FNDC1: variants seen among roughly 807,000 people sequenced by gnomAD.
FNDC1 encodes the protein fibronectin type III domain-containing protein 1.
FNDC1 carries 96 observed loss-of-function variants against 168.0 expected under a neutral mutation model. That is an observed-to-expected ratio of 0.57 (90% confidence interval 0.48 to 0.68). The LOEUF is 0.68. Ranked by LOEUF, FNDC1 falls within the 30% of genes least tolerant of loss-of-function variation. The probability of loss-of-function intolerance (pLI) is 0.00; values close to 1 mark genes in which losing one functional copy is unlikely to be tolerated. For missense variants in FNDC1, 2,587 were observed against 2,482.1 expected (o/e 1.04, Z -0.90); for synonymous variants, 1,099 against 1,025.9 (o/e 1.07, Z -1.36).
chr6:159,207,571 C>A (rs1328958326), intron 4 of FNDC1, among the ~76,000 whole-genome samples: 1 of 152,204 alleles, frequency 6.6e-6, no homozygotes, highest in Non-Finnish European at 1.5e-5. Context: ...AGAGGGGAAG[C>A]AGCTTTTGTG....
intron 14 of FNDC1, among the ~76,000 whole-genome samples, 195 bp from the exon 15 acceptor site, chr6:159,246,706 A>G (rs1472228742): frequency 1.3e-5 from 2 of 152,168 alleles, no homozygotes; most frequent in East Asian, 3.9e-4. Context: ...CCTGGGCCCA[A>G]AGGAGAGAAA....
At position 159,205,987 on chromosome 6, in the gene FNDC1, G is replaced by A. The variant is rs989869758; in HGVS notation, c.460+5406G>A. Among the ~76,000 whole-genome samples the A allele has an allele frequency of 1.3e-5, 2 of 152,238 alleles. 1 individual carries two copies. The highest frequency in any genetic ancestry group is 4.1e-4 in the South Asian group (2 of 4,826). On this transcript the variant is annotated intron_variant, in intron 4 of 22. Transcript: ENST00000297267. ...AATGCTGGAAAGCACCTCTCCCAGG[G>A]CCCCCTTGTTGGGTGTCCTCCCCTC...
At chr6:159,219,355 A>C (rs1162741428) in intron 5 of FNDC1, among the ~76,000 whole-genome samples, 1 of 152,118 alleles carries the variant, frequency 6.6e-6, no homozygotes, top group Non-Finnish European at 1.5e-5. Context: ...TCCCCTCTTT[A>C]TTCAGTAATC....
rs950310067 is a variant in FNDC1, at chr6:159,232,274, A to G, written c.1762A>G (p.Met588Val). 6.2e-7 allele frequency: 1 copy of G among 1,610,900 alleles called. No homozygotes were observed. Reference sequence around the variant, plus strand: ...CGGCAGGACTGCAGTGAGGGCCCGGATGCCAGCGCTGCCCCGAAGGGAAGG... The same window carrying G: ...CGGCAGGACTGCAGTGAGGGCCCGGGTGCCAGCGCTGCCCCGAAGGGAAGG... ...APGRTAVRAR[M>V]PALPRREGVD... Residue 588 changes from methionine to valine, a missense_variant, in exon 11 of 23, where the codon ATG (methionine) becomes GTG (valine). By Grantham distance (21) the Met-to-Val change is conservative (BLOSUM62 1). Transcript: ENST00000297267. The surrounding 1 kb of genome is among the most constrained non-coding windows in gnomAD (Gnocchi z 4.9).
At chr6:159,216,576 C>T (rs1357190530) in intron 5 of FNDC1, among the ~76,000 whole-genome samples, 1 of 152,200 alleles carries the variant, frequency 6.6e-6, no homozygotes, top group Non-Finnish European at 1.5e-5. Flanking sequence ...AGCCGTCTCA[C>T]CCCTGCTCCC....
At chr6:159,255,009 A>G (rs538809710) in intron 17 of FNDC1, among the ~76,000 whole-genome samples, 3 of 152,324 alleles carry the variant, frequency 2.0e-5, no homozygotes, top group East Asian at 1.9e-4. Context: ...TAAGAGCTGT[A>G]TAACTAGACT....
intron 19 of FNDC1, among the ~76,000 whole-genome samples, 158 bp from the exon 20 acceptor site, chr6:159,264,817 G>A (rs1213155542): frequency 6.6e-6 from 1 of 152,152 alleles, no homozygotes; most frequent in Non-Finnish European, 1.5e-5. Flanking sequence ...AAAAGGAAAT[G>A]TTTAGAAAAT....
intron 5 of FNDC1, among the ~76,000 whole-genome samples, chr6:159,216,953 T>C (rs972866582): frequency 2.0e-5 from 3 of 152,222 alleles, no homozygotes; most frequent in Admixed American, 6.5e-5. Flanking sequence ...GAGGGGCCTC[T>C]TCCCTTACCT....
intron 4 of FNDC1, among the ~76,000 whole-genome samples, chr6:159,212,915 G>A (rs1467889778): frequency 6.6e-6 from 1 of 152,180 alleles, no homozygotes; most frequent in Non-Finnish European, 1.5e-5. Context: ...GAATCAGAAT[G>A]GCTGAACTCT....
intron 14 of FNDC1, among the ~76,000 whole-genome samples, chr6:159,246,512 G>C (rs1777127952): frequency 6.6e-6 from 1 of 152,242 alleles, no homozygotes; most frequent in Non-Finnish European, 1.5e-5. Flanking sequence ...ACTGCTTCCT[G>C]AGAGCGCCTG....
Position 159,225,631 on chromosome 6 carries a change from A to T in FNDC1, c.981A>T (p.Pro327=), listed in dbSNP as rs373657432. Residue 327 remains proline (P), a synonymous_variant, in exon 8 of 23, where the codon CCA becomes CCT. Coordinates refer to ENST00000297267, the MANE Select transcript of FNDC1 (RefSeq NM_032532.3). ...GTGTGCTGATTGAGAACCTGATTCC[A>T]GACACTGTGTATGAATTTGCAGTCC... ...NRRVLIENLI[P]DTVYEFAVRI... is the part of the protein sequence containing the mutation. 3.1e-6 allele frequency: 5 copies of T among 1,614,028 alleles called. No homozygotes were observed. Among genetic ancestry groups the T allele is most frequent in the Non-Finnish European group, 4.2e-6 (5 of 1,179,888 alleles).
In FNDC1 at chr6:159,180,590, C is replaced by G. The variant is rs542818680; in HGVS notation, c.109+10885C>G. ...GTCAACCCATCACCTAGGTATTAAG[C>G]CTGGCATGCATTAGTTATTTTTCCT... On this transcript the variant is annotated intron_variant, in intron 1 of 22. Transcript: ENST00000297267. Among the ~76,000 whole-genome samples, 326 of 152,150 alleles carry G rather than the reference C, an allele frequency of 2.1e-3. 1 individual carries two copies. Among genetic ancestry groups the G allele is most frequent in the African/African-American group, 7.5e-3 (313 of 41,484 alleles).
chr6:159,184,605 C>G (rs1411586779), intron 1 of FNDC1, among the ~76,000 whole-genome samples: 1 of 152,176 alleles, frequency 6.6e-6, no homozygotes, highest in Non-Finnish European at 1.5e-5. Context: ...TGCTTGGCCT[C>G]TCTTCTAAGG....
chr6:159,211,512 TA>T (rs944862863), intron 4 of FNDC1, among the ~76,000 whole-genome samples: 68 of 152,364 alleles, frequency 4.5e-4, no homozygotes, highest in Middle Eastern at 3.4e-3. Flanking sequence ...ATTTTCAATG[TA>T]AAGGGTCCTT....
intron 15 of FNDC1, among the ~76,000 whole-genome samples, chr6:159,247,961 T>C (rs2115011168): frequency 6.6e-6 from 1 of 152,308 alleles, no homozygotes; most frequent in Non-Finnish European, 1.5e-5. Flanking sequence ...GATTCTCACT[T>C]TTGAGGTCCA....
intron 1 of FNDC1, among the ~76,000 whole-genome samples, chr6:159,194,677 A>G (rs1388625254): frequency 6.6e-6 from 1 of 152,204 alleles, no homozygotes; most frequent in Non-Finnish European, 1.5e-5. Context: ...GGAATAGAAC[A>G]AACTGTCATA....
intron 1 of FNDC1, among the ~76,000 whole-genome samples, chr6:159,172,948 T>C (rs1302218507): frequency 6.6e-6 from 1 of 152,236 alleles, no homozygotes; most frequent in African/African-American, 2.4e-5. Flanking sequence ...GAAACAAAGC[T>C]GCTCTTCTCA....
intron 4 of FNDC1, among the ~76,000 whole-genome samples, chr6:159,203,013 A>G (rs1782410375): frequency 1.3e-5 from 2 of 152,304 alleles, no homozygotes; most frequent in Non-Finnish European, 1.5e-5. Flanking sequence ...TGGCTTGTAG[A>G]TGGTCACCTT....
intron 10 of FNDC1, among the ~76,000 whole-genome samples, chr6:159,231,524 A>G (rs1339226035): frequency 1.3e-5 from 2 of 152,216 alleles, no homozygotes; most frequent in Non-Finnish European, 2.9e-5. Context: ...TACACTGACA[A>G]TTAGTTTTAT....
Sources: allele counts gnomAD v4.1 joint callset (sites outside exome capture counted in the v4.1 genomes callset), GRCh38; gene constraint gnomAD v4.1.1; non-coding constraint Gnocchi (gnomAD v3.1); transcripts MANE v1.5; gene names NCBI Gene and HGNC (gene_info 2026-07-23, HGNC 2026-07-21).